SEMA4F: variants seen among roughly 807,000 people sequenced by gnomAD.
SEMA4F encodes the protein semaphorin-4F.
In SEMA4F, 51 loss-of-function variants were observed where a neutral mutation model predicts 78.4. That is an observed-to-expected ratio of 0.65 (90% CI 0.52 to 0.82). SEMA4F has a LOEUF of 0.82. Ranked by LOEUF, SEMA4F falls within the 40% of genes least tolerant of loss-of-function variation. The probability of loss-of-function intolerance (pLI) is 0.00; values close to 1 mark genes in which losing one functional copy is unlikely to be tolerated. For missense variants in SEMA4F, 938 were observed against 1,014.4 expected, an observed-to-expected ratio of 0.92 and a Z score of 1.02; for synonymous variants, 418 against 408.7, an observed-to-expected ratio of 1.02 and a Z score of -0.27.
rs1233772368 is a variant in SEMA4F, at chr2:74,654,439, G to A, written c.63G>A (p.Pro21=). The change falls in exon 1 of 14, where the codon CCG becomes CCA. Residue 21 remains proline, a synonymous_variant. Coordinates refer to ENST00000357877, the MANE Select transcript of SEMA4F (RefSeq NM_004263.5). Reference sequence around the variant, plus strand: ...GGCAGCCTACAGCCTCGCCCTTCCCGCTACTGCTGCTGGCGGTGCTGAGCG... The same window carrying A: ...GGCAGCCTACAGCCTCGCCCTTCCCACTACTGCTGCTGGCGGTGCTGAGCG... ...GPGQPTASPF[P]LLLLAVLSGP... is the part of the protein sequence containing the mutation. 2 of 1,571,254 alleles carry A rather than the reference G, an allele frequency of 1.3e-6. No homozygotes were observed. Among genetic ancestry groups the A allele is most frequent in the African/African-American group, 1.4e-5 (1 of 71,654 alleles).
In SEMA4F at chr2:74,679,947, A is replaced by G. The variant is rs1474582024; in HGVS notation, c.2051A>G (p.Gln684Arg). Residue 684 changes from glutamine to arginine, a missense_variant, in exon 14 of 14, where the codon CAG becomes CGG. Physicochemically the swap from Gln to Arg is conservative, Grantham distance 43. Transcript: ENST00000357877. ...ACTCTCATTCTGATTGGTCGGCGTC[A>G]GCAGCGACGGCGACAGAGGGAACTT... is the stretch of plus-strand genomic sequence containing the variant. ...SLTLILIGRR[Q>R]QRRRQRELLA... is the part of the protein sequence containing the mutation. The G allele has an allele frequency of 1.9e-6, 3 of 1,614,208 alleles. No homozygotes were observed. The highest frequency in any genetic ancestry group is 2.5e-6 in the Non-Finnish European group (3 of 1,180,034).
chr2:74,665,149 C>T (rs994593927), intron 5 of SEMA4F, among the ~76,000 whole-genome samples: 1 of 150,446 alleles, frequency 6.6e-6, no homozygotes, highest in Admixed American at 6.6e-5. Flanking sequence ...CAAGATCTAA[C>T]AATGAAAATT....
chr2:74,672,787 G>T (rs1377121747), intron 5 of SEMA4F, among the ~76,000 whole-genome samples: 1 of 152,016 alleles, frequency 6.6e-6, no homozygotes, highest in Non-Finnish European at 1.5e-5. Flanking sequence ...GTTTCTCCTG[G>T]CTGCCTGTGA....
At chr2:74,670,367 G>A (rs1254198833) in intron 5 of SEMA4F, among the ~76,000 whole-genome samples, 1 of 152,172 alleles carries the variant, frequency 6.6e-6, no homozygotes, top group African/African-American at 2.4e-5. Flanking sequence ...GGCACCTGGA[G>A]CCCTGCTACT....
chr2:74,679,595 A>C lies in SEMA4F; in HGVS notation c.1703-4A>C. On this transcript the variant is annotated splice_region_variant and splice_polypyrimidine_tract_variant and intron_variant, in intron 13 of 13. Transcript: ENST00000357877. ...TCCTTTTGTGCCTTTGCTGTTTCTC[A>C]CAGAACGTCCAGTAGTGTTTGAAGT... 1.9e-6 allele frequency: 3 copies of C among 1,588,268 alleles called. No individual in the cohort carries two copies. The highest frequency in any genetic ancestry group is 2.6e-6 in the Non-Finnish European group (3 of 1,164,832).
chr2:74,709,047 C>T, the SEMA4F span, among the ~76,000 whole-genome samples: 42,253 of 151,968 alleles, frequency 0.28, 8,764 homozygotes, highest in East Asian at 0.82. Context: ...GCCTATAGTC[C>T]CAGCTAACTC....
chr2:74,675,945 C>T (rs768151064), intron 12 of SEMA4F, 36 bp downstream of exon 12: 3 of 1,588,422 alleles, frequency 1.9e-6, no homozygotes, highest in South Asian at 2.3e-5. Flanking sequence ...GCTTACTGTG[C>T]CAGGGCTCTG....
downstream of SEMA4F, among the ~76,000 whole-genome samples, chr2:74,684,531 A>G (rs991145329): frequency 6.6e-6 from 1 of 152,168 alleles, no homozygotes; most frequent in Non-Finnish European, 1.5e-5. Context: ...GTAGGCACCT[A>G]AAGTTTTTGT....
intron 12 of SEMA4F, among the ~76,000 whole-genome samples, chr2:74,676,616 C>T (rs1281659768): frequency 1.3e-5 from 2 of 152,142 alleles, no homozygotes; most frequent in African/African-American, 4.8e-5. Flanking sequence ...CAGAAATTGC[C>T]CACATCGTAT....
rs772000988 is a variant in SEMA4F, at chr2:74,679,912, A to G, written c.2016A>G (p.Ala672=). The part of the protein sequence containing the change: ...GLAGFFLGIL[A]ASLTLILIGR... Reference sequence around the variant, plus strand: ...CTGGCTTCTTCTTGGGGATTCTCGCAGCATCCCTGACTCTCATTCTGATTG... The same window carrying G: ...CTGGCTTCTTCTTGGGGATTCTCGCGGCATCCCTGACTCTCATTCTGATTG... Residue 672 remains alanine, a synonymous_variant, in exon 14 of 14, where the codon GCA becomes GCG. Coordinates refer to ENST00000357877, the MANE Select transcript of SEMA4F (RefSeq NM_004263.5). 2 of 1,614,094 alleles carry G rather than the reference A, an allele frequency of 1.2e-6. No homozygotes were observed. Among genetic ancestry groups the G allele is most frequent in the East Asian group, 2.2e-5 (1 of 44,902 alleles).
chr2:74,674,829 G>A lies in SEMA4F; in HGVS notation c.1002-59G>A, dbSNP rs528997186. 17 of 1,583,148 alleles carry A rather than the reference G, an allele frequency of 1.1e-5. No homozygotes were observed. The African/African-American group carries it at 2.0e-4, about 19-fold the overall frequency. On this transcript the variant is annotated intron_variant, in intron 8 of 13. Transcript: ENST00000357877. The stretch of plus-strand genomic sequence containing the variant: ...CTCGGGGGTCATCTCATTTGACAAG[G>A]GATGAGTTGCTATCCCCCAGACCCC...
chr2:74,661,365 A>G (rs1437937364), intron 4 of SEMA4F, among the ~76,000 whole-genome samples: 3 of 152,238 alleles, frequency 2.0e-5, no homozygotes, highest in Non-Finnish European at 4.4e-5. Flanking sequence ...GTTATTATTA[A>G]GTCAGTGACC....
chr2:74,662,646 C>T, intron 4 of SEMA4F, 86 bp from the exon 5 acceptor site: 1 of 1,107,488 alleles, frequency 9.0e-7, no homozygotes, highest in Non-Finnish European at 1.4e-6. Flanking sequence ...GGGAATTGAC[C>T]TTTTCCTTCA....
the SEMA4F span, among the ~76,000 whole-genome samples, chr2:74,707,135 T>C: frequency 1.3e-5 from 2 of 152,216 alleles, no homozygotes; most frequent in Admixed American, 6.5e-5. Context: ...AAAATTACTA[T>C]AAAGTACATT....
chr2:74,678,710 A>G (rs760323875), intron 12 of SEMA4F, among the ~76,000 whole-genome samples: 8 of 152,178 alleles, frequency 5.3e-5, no homozygotes, highest in Non-Finnish European at 1.5e-5. Context: ...CTGTGCCTGG[A>G]GCTTCCGGCT....
chr2:74,654,399 C>A lies in SEMA4F; in HGVS notation c.23C>A (p.Pro8His). The A allele has an allele frequency of 6.6e-7, 1 of 1,526,430 alleles. No homozygotes were observed. The highest frequency in any genetic ancestry group is 8.7e-7 in the Non-Finnish European group (1 of 1,144,952). The allele number at this position is 1,526,430 out of a possible 1,614,324, so 94.6% of individuals were successfully genotyped here. A position where few individuals can be genotyped will look rare whatever the true frequency, so the allele number is the denominator to read the frequency against. MPASAARPRPGPGQPTAS... is the reference protein window; with the variant it reads MPASAARHRPGPGQPTAS... Reference sequence around the variant, plus strand: ...AAGATGCCGGCCTCTGCTGCGCGGCCCCGCCCGGGTCCCGGGCAGCCTACA... The same window carrying A: ...AAGATGCCGGCCTCTGCTGCGCGGCACCGCCCGGGTCCCGGGCAGCCTACA... Residue 8 changes from proline to histidine, a missense_variant, in exon 1 of 14, where the codon CCC becomes CAC. Coordinates refer to ENST00000357877, the MANE Select transcript of SEMA4F (RefSeq NM_004263.5).
chr2:74,656,555 G>T lies in SEMA4F; in HGVS notation c.167G>T (p.Arg56Leu). ...PISEADSCLT[R>L]FAVPHTYNYS... is the part of the protein sequence containing the mutation. ...CCAGAGGCTGACTCCTGTCTCACCC[G>T]GTTCGCAGTCCCTCACACATACAAT... Residue 56 changes from arginine to leucine, a missense_variant, in exon 2 of 14, where the codon CGG becomes CTG. Transcript: ENST00000357877. 1 of 1,613,756 alleles carries T rather than the reference G, an allele frequency of 6.2e-7. No individual in the cohort carries two copies. Among genetic ancestry groups the T allele is most frequent in the Non-Finnish European group, 8.5e-7 (1 of 1,179,798 alleles).
Position 74,675,220 on chromosome 2 carries a change from G to A in SEMA4F, c.1208G>A (p.Arg403His), listed in dbSNP as rs139378944. The A allele has an allele frequency of 2.4e-5, 39 of 1,613,980 alleles. No individual in the cohort carries two copies. The highest frequency in any genetic ancestry group is 5.0e-5 in the Admixed American group (3 of 59,998). The part of the protein sequence containing the change: ...HFGSSLSLPD[R>H]VLTFIRDHPL... ...GGCTCATCTCTCTCCCTGCCTGACCGCGTACTCACCTTCATCCGGGACCAC... is the reference window on the plus strand; with the variant it reads ...GGCTCATCTCTCTCCCTGCCTGACCACGTACTCACCTTCATCCGGGACCAC... Residue 403 changes from arginine to histidine, a missense_variant, in exon 10 of 14, where the codon CGC becomes CAC. Coordinates refer to ENST00000357877, the MANE Select transcript of SEMA4F (RefSeq NM_004263.5).
In SEMA4F at chr2:74,675,569, A is replaced by T; in HGVS notation, c.1417A>T (p.Ser473Cys). Residue 473 changes from serine (S) to cysteine (C), a missense_variant, in exon 11 of 14, where the codon AGC becomes TGC. Transcript: ENST00000357877. The part of the protein sequence containing the change: ...HRAVRIGAQL[S>C]VLEDLALFPE... ...AGCAGTGCGGATCGGAGCTCAGCTC[A>T]GCGTTCTTGAAGATCTGGCCTTATT... 1 of 1,614,236 alleles carries T rather than the reference A, an allele frequency of 6.2e-7. No homozygotes were observed. Among genetic ancestry groups the T allele is most frequent in the Non-Finnish European group, 8.5e-7 (1 of 1,180,038 alleles).
Sources: allele counts gnomAD v4.1 joint callset (sites outside exome capture counted in the v4.1 genomes callset), GRCh38; gene constraint gnomAD v4.1.1; transcripts MANE v1.5; gene names NCBI Gene and HGNC (gene_info 2026-07-23, HGNC 2026-07-21).